LRRFIP2: variants seen among roughly 807,000 people sequenced by gnomAD.
LRRFIP2 encodes the protein LRR binding FLII interacting protein 2, also known as leucine-rich repeat flightless-interacting protein 2.
A neutral mutation model predicts 125.9 loss-of-function variants in LRRFIP2; 109 were observed. The observed-to-expected ratio is 0.87, with a 90% CI of 0.74 to 1.01. The LOEUF is 1.01. LRRFIP2 is among the 50% of genes least tolerant of loss of function. The pLI, the probability that LRRFIP2 is intolerant of heterozygous loss-of-function variation, is 0.00. For missense variants in LRRFIP2, 850 were observed against 862.3 expected (o/e 0.99, Z 0.18); for synonymous variants, 291 against 293.1 (o/e 0.99, Z 0.07).
intron 23 of LRRFIP2, chr3:37,064,102 TAG>T (rs2089514611): frequency 3.3e-6 from 1 of 306,924 alleles, no homozygotes; most frequent in Non-Finnish European, 6.0e-6. Context: ...CTTTCACTAG[TAG>T]ACAGACAACT....
At chr3:37,136,070 G>A (rs956474126) in intron 2 of LRRFIP2, among the ~76,000 whole-genome samples, 5 of 152,152 alleles carry the variant, frequency 3.3e-5, no homozygotes, top group Admixed American at 6.5e-5. Context: ...ATAAACCAGC[G>A]AGATTATCCA....
intron 1 of LRRFIP2, among the ~76,000 whole-genome samples, chr3:37,173,501 G>C (rs571306691): frequency 3.7e-4 from 57 of 152,280 alleles, no homozygotes; most frequent in African/African-American, 1.2e-3. Context: ...TTTGCAGACT[G>C]AACAAAGTAG....
rs759436740 is a variant in LRRFIP2 at position 37,075,124 on chromosome 3, TAAAC to T, written c.1279-12_1279-9del. The T allele has an allele frequency of 3.8e-6, 6 of 1,584,746 alleles. No individual in the cohort carries two copies. The highest frequency in any genetic ancestry group is 1.1e-5 in the South Asian group (1 of 90,650). ...TTTCTGCCTTTCTAACTCCTGTTATTAAACAAATAATATCATTTACACAGGTCAT... is the reference window on the plus strand; with the variant it reads ...TTTCTGCCTTTCTAACTCCTGTTATTAAATAATATCATTTACACAGGTCAT... On this transcript the variant is annotated splice_polypyrimidine_tract_variant and intron_variant, in intron 19 of 27. Transcript: ENST00000336686.
chr3:37,068,634 CAGT>C (rs1357162560), intron 21 of LRRFIP2: 1 of 152,150 alleles, frequency 6.6e-6, no homozygotes, highest in Admixed American at 6.5e-5. Context: ...ATAGCTCCTA[CAGT>C]AGATTTTTTT....
chr3:37,091,646 A>C, intron 17 of LRRFIP2, 108 bp from the exon 18 acceptor site: 1 of 750,052 alleles, frequency 1.3e-6, no homozygotes, highest in South Asian at 2.0e-5. Context: ...CCAGACTAAA[A>C]GCAGAGAAAT....
intron 25 of LRRFIP2, 66 bp from the exon 26 acceptor site, chr3:37,055,231 G>GT: frequency 1.1e-6 from 1 of 935,948 alleles, no homozygotes; most frequent in Non-Finnish European, 1.6e-6. Flanking sequence ...CCATCAGGCA[G>GT]TACCTCTGTG....
intron 20 of LRRFIP2, 98 bp from the exon 21 acceptor site, chr3:37,072,980 T>A: frequency 1.3e-6 from 1 of 744,014 alleles, no homozygotes; most frequent in Non-Finnish European, 2.2e-6. Context: ...TAAAGAAACT[T>A]AACCAAAAGG....
intron 15 of LRRFIP2, among the ~76,000 whole-genome samples, chr3:37,097,029 G>C (rs955006535): frequency 6.6e-6 from 1 of 151,856 alleles, no homozygotes; most frequent in Non-Finnish European, 1.5e-5. Context: ...AACCAAAAGC[G>C]AAAAACTTTT....
chr3:37,093,821 T>C (rs2093592549), intron 17 of LRRFIP2, among the ~76,000 whole-genome samples: 1 of 152,208 alleles, frequency 6.6e-6, no homozygotes, highest in Non-Finnish European at 1.5e-5. Flanking sequence ...TCACTTCTCA[T>C]GCCACCCTCT....
At chr3:37,132,245 C>T (rs1232552824) in intron 2 of LRRFIP2, among the ~76,000 whole-genome samples, 1 of 151,830 alleles carries the variant, frequency 6.6e-6, no homozygotes, top group Admixed American at 6.6e-5. Flanking sequence ...TAAGAAAGCC[C>T]TATCAATGTG....
chr3:37,066,429 A>G, intron 21 of LRRFIP2, 104 bp from the exon 22 acceptor site: 1 of 852,370 alleles, frequency 1.2e-6, no homozygotes. Context: ...AAAGGCATAA[A>G]AAGCAAGAAA....
intron 18 of LRRFIP2, 106 bp downstream of exon 18, chr3:37,091,361 A>T: frequency 1.4e-6 from 1 of 724,676 alleles, no homozygotes. Context: ...AAAGACAAAC[A>T]CTGTTAGTAA....
intron 15 of LRRFIP2, among the ~76,000 whole-genome samples, chr3:37,097,025 A>T (rs1029307215): frequency 2.0e-5 from 3 of 152,122 alleles, no homozygotes; most frequent in Non-Finnish European, 2.9e-5. Flanking sequence ...ATAAAACCAA[A>T]AGCGAAAAAC....
chr3:37,099,367 C>T (rs757199030), intron 15 of LRRFIP2, among the ~76,000 whole-genome samples: 13 of 152,002 alleles, frequency 8.6e-5, no homozygotes, highest in Non-Finnish European at 4.4e-5. Flanking sequence ...CCAGAGTCTG[C>T]CAGATCCAGA....
At chr3:37,117,354 A>C (rs770941119) in intron 6 of LRRFIP2, among the ~76,000 whole-genome samples, 2 of 152,104 alleles carry the variant, frequency 1.3e-5, no homozygotes, top group Non-Finnish European at 2.9e-5. Flanking sequence ...ATAATGTAGA[A>C]TTCAGCTGGT....
At chr3:37,063,456 C>G (rs912395990) in intron 24 of LRRFIP2, among the ~76,000 whole-genome samples, 1 of 152,156 alleles carries the variant, frequency 6.6e-6, no homozygotes, top group Non-Finnish European at 1.5e-5. Flanking sequence ...AAGTATTTAA[C>G]AGAAATGGTC....
chr3:37,105,957 C>T (rs1053897606), intron 13 of LRRFIP2, among the ~76,000 whole-genome samples: 1 of 151,976 alleles, frequency 6.6e-6, no homozygotes, highest in African/African-American at 2.4e-5. Context: ...ACCAGCTACT[C>T]GGGAGGCCGA....
intron 4 of LRRFIP2, among the ~76,000 whole-genome samples, chr3:37,124,234 A>T (rs1033105638): frequency 1.6e-4 from 24 of 152,188 alleles, no homozygotes; most frequent in Admixed American, 1.4e-3. Context: ...AATTTTAGTC[A>T]ATTTAAATTT....
chr3:37,124,388 G>A (rs1048313042), intron 4 of LRRFIP2, among the ~76,000 whole-genome samples: 1 of 152,180 alleles, frequency 6.6e-6, no homozygotes, highest in Non-Finnish European at 1.5e-5. Context: ...ATTCTACTAA[G>A]AGCCTGCTAA....
Sources: gnomAD v4.1 joint callset for allele counts (sites outside exome capture counted in the v4.1 genomes callset) on GRCh38, gnomAD v4.1.1 for gene constraint, MANE v1.5 for transcripts, NCBI Gene and HGNC (gene_info 2026-07-23, HGNC 2026-07-21) for gene names.